DZIP3: variants seen among roughly 807,000 people sequenced by gnomAD.
The protein encoded by DZIP3 is DAZ interacting zinc finger protein 3, also known as E3 ubiquitin-protein ligase DZIP3.
A neutral mutation model predicts 162.0 loss-of-function variants in DZIP3; 118 were observed. That is an observed-to-expected ratio of 0.73 (90% confidence interval 0.63 to 0.85). DZIP3 has a LOEUF of 0.85. DZIP3 is among the 40% of genes least tolerant of loss of function. DZIP3 has a pLI of 0.00. For missense variants in DZIP3, 1,331 were observed against 1,407.0 expected (o/e 0.95, Z 0.86); for synonymous variants, 438 against 458.6 (o/e 0.96, Z 0.57).
At chr3:108,656,548 A>G (rs937017323) in intron 19 of DZIP3, among the ~76,000 whole-genome samples, 1 of 152,110 alleles carries the variant, frequency 6.6e-6, no homozygotes, top group African/African-American at 2.4e-5. Context: ...TGGGGAAAAA[A>G]CAGAGCAGAA....
chr3:108,618,000 A>G (rs1178907405), intron 5 of DZIP3, among the ~76,000 whole-genome samples: 1 of 152,218 alleles, frequency 6.6e-6, no homozygotes, highest in East Asian at 1.9e-4. Flanking sequence ...AAAGCAGTCT[A>G]TTGCTGTATC....
chr3:108,672,480 T>C (rs1221605409), intron 22 of DZIP3, 80 bp from the exon 23 acceptor site: 1 of 1,181,102 alleles, frequency 8.5e-7, no homozygotes, highest in African/African-American at 1.5e-5. Flanking sequence ...TTGTATAACT[T>C]ATCTTTCTTC....
At chr3:108,613,215 A>C (rs2107516927) in intron 4 of DZIP3, among the ~76,000 whole-genome samples, 1 of 152,306 alleles carries the variant, frequency 6.6e-6, no homozygotes, top group Non-Finnish European at 1.5e-5. Flanking sequence ...TATAAATTAA[A>C]ATCCACAAAT....
At chr3:108,600,903 C>T (rs922140433) in intron 1 of DZIP3, among the ~76,000 whole-genome samples, 1 of 152,174 alleles carries the variant, frequency 6.6e-6, no homozygotes. Flanking sequence ...CTTTGACACT[C>T]ACTAGCTAGC....
At chr3:108,600,359 A>T (rs1576340993) in intron 1 of DZIP3, among the ~76,000 whole-genome samples, 2 of 151,498 alleles carry the variant, frequency 1.3e-5, no homozygotes, top group South Asian at 4.2e-4. Flanking sequence ...TTTTTTTTTT[A>T]AAGTCAAACC....
chr3:108,694,094 G>A lies in DZIP3; in HGVS notation c.*741G>A, dbSNP rs1944794537. 6.6e-6 allele frequency: 1 copy of A among 151,930 alleles called. No individual in the cohort carries two copies. Among genetic ancestry groups the A allele is most frequent in the South Asian group, 2.1e-4 (1 of 4,814 alleles). 9.4% of individuals were successfully genotyped at this position (151,930 alleles called of 1,614,324 possible). On this transcript the variant is annotated 3_prime_UTR_variant, in exon 33 of 33. Transcript: ENST00000361582. The stretch of plus-strand genomic sequence containing the variant: ...AGTTTCACCTCCATTTAAATTTATG[G>A]GGAAGAATAAATGTTTCCTGACTCA...
intron 21 of DZIP3, among the ~76,000 whole-genome samples, chr3:108,669,294 G>A (rs1052224623): frequency 1.3e-5 from 2 of 151,836 alleles, no homozygotes; most frequent in Admixed American, 6.6e-5. Flanking sequence ...ACCACTTTAA[G>A]GAACTTAAAG....
chr3:108,643,709 C>T (rs903202900), intron 13 of DZIP3, among the ~76,000 whole-genome samples: 2 of 151,542 alleles, frequency 1.3e-5, no homozygotes, highest in East Asian at 3.9e-4. Context: ...TTCCAATGCT[C>T]AGTGAGTATT....
chr3:108,687,955 C>A lies in DZIP3; in HGVS notation c.3150-21C>A, dbSNP rs373219972. On this transcript the variant is annotated intron_variant, in intron 28 of 32. Transcript: ENST00000361582. ...CTAAGGAAAATCATTACTGCCCTTT[C>A]CTTTCCTTGATCTCTTGCAGAAAGG... is the stretch of plus-strand genomic sequence containing the variant. 2.5e-6 allele frequency: 4 copies of A among 1,613,048 alleles called. No homozygotes were observed. The African/African-American group carries it at 4.0e-5, about 16-fold the overall frequency.
chr3:108,675,680 T>C, intron 24 of DZIP3, 106 bp from the exon 25 acceptor site: 1 of 833,790 alleles, frequency 1.2e-6, no homozygotes, highest in Non-Finnish European at 1.8e-6. Context: ...TGGGGGTAAT[T>C]TTGTTTTTTG....
intron 8 of DZIP3, among the ~76,000 whole-genome samples, chr3:108,630,885 C>A (rs1037740364): frequency 6.6e-6 from 1 of 151,840 alleles, no homozygotes; most frequent in Non-Finnish European, 1.5e-5. Context: ...ACTTTCTAGA[C>A]ATTTTTCTTT....
intron 24 of DZIP3, among the ~76,000 whole-genome samples, chr3:108,674,874 A>G (rs1272816038): frequency 6.6e-6 from 1 of 151,944 alleles, no homozygotes; most frequent in African/African-American, 2.4e-5. Context: ...AATAATCAGC[A>G]TTGTTCTTTC....
intron 21 of DZIP3, among the ~76,000 whole-genome samples, chr3:108,666,763 T>C (rs185637564): frequency 6.6e-6 from 1 of 152,204 alleles, no homozygotes; most frequent in African/African-American, 2.4e-5. Flanking sequence ...TCCAAAGGCC[T>C]GGAAACTATG....
chr3:108,594,744 G>A lies in DZIP3; in HGVS notation c.-73+4905G>A, dbSNP rs551380411. Reference sequence around the variant, plus strand: ...TAAGGATAATGGCCTTCAGATCCACGCATGTTCCTGAAAAGGACATGATCT... The same window carrying A: ...TAAGGATAATGGCCTTCAGATCCACACATGTTCCTGAAAAGGACATGATCT... On this transcript the variant is annotated intron_variant, in intron 1 of 32. Coordinates refer to ENST00000361582, the MANE Select transcript of DZIP3 (RefSeq NM_014648.4). Among the ~76,000 whole-genome samples, 4 of 152,040 alleles carry A rather than the reference G, an allele frequency of 2.6e-5. No individual in the cohort carries two copies. The East Asian group carries it at 7.7e-4, about 29-fold the overall frequency.
chr3:108,646,553 T>C, intron 14 of DZIP3, 64 bp from the exon 15 acceptor site: 1 of 1,158,792 alleles, frequency 8.6e-7, no homozygotes, highest in East Asian at 2.4e-5. Flanking sequence ...GCCTTAATCC[T>C]AGCCAGACAT....
At chr3:108,692,835 T>C (rs1156831281) in intron 32 of DZIP3, among the ~76,000 whole-genome samples, 1 of 151,006 alleles carries the variant, frequency 6.6e-6, no homozygotes, top group African/African-American at 2.4e-5. Flanking sequence ...CAAATTTTTA[T>C]ATAATAAGTT....
At chr3:108,592,681 G>T (rs1362461125) in intron 1 of DZIP3, among the ~76,000 whole-genome samples, 2 of 149,574 alleles carry the variant, frequency 1.3e-5, no homozygotes, top group African/African-American at 2.5e-5. Context: ...GGGCAATGTG[G>T]GCAACAGGAG....
chr3:108,631,583 CTT>C (rs10708434), intron 8 of DZIP3, among the ~76,000 whole-genome samples: 3,750 of 101,348 alleles, frequency 0.037, 151 homozygotes, highest in African/African-American at 0.13. Context: ...TTATTATTCC[CTT>C]TTTTTTTTTT....
intron 1 of DZIP3, among the ~76,000 whole-genome samples, chr3:108,596,326 GATTGAGTAGGCTATCAAA>G (rs1939710796): frequency 6.6e-6 from 1 of 152,210 alleles, no homozygotes; most frequent in African/African-American, 2.4e-5. Context: ...ATCCAGGAGA[GATTGAGTAGGCTATCAAA>G]TTACTGGTAG....
Sources: gnomAD v4.1 joint callset for allele counts (sites outside exome capture counted in the v4.1 genomes callset) on GRCh38, gnomAD v4.1.1 for gene constraint, MANE v1.5 for transcripts, NCBI Gene and HGNC (gene_info 2026-07-23, HGNC 2026-07-21) for gene names.